SUMO2: variants seen among roughly 807,000 people sequenced by gnomAD.
The protein encoded by SUMO2 is small ubiquitin-related modifier 2.
SUMO2 carries 1 observed loss-of-function variant against 16.0 expected under a neutral mutation model. That is an observed-to-expected ratio of 0.06 (90% CI 0.02 to 0.30). The LOEUF (loss-of-function observed/expected upper bound fraction) is 0.30, where lower values mean the gene tolerates loss of function less well. Among genes scored for constraint, SUMO2 ranks in the 10% least tolerant of loss-of-function variants. The probability of loss-of-function intolerance (pLI) is 1.00; values close to 1 mark genes in which losing one functional copy is unlikely to be tolerated. For synonymous variants in SUMO2, 36 were observed against 40.6 expected (o/e 0.89, Z 0.43); for missense variants, 16 against 117.5 (o/e 0.14, Z 3.99).
At position 75,167,373 on chromosome 17, in the gene SUMO2, G is replaced by A. The variant is rs1303452999; in HGVS notation, c.*966C>T. 1 of 151,988 alleles carries A rather than the reference G, an allele frequency of 6.6e-6. No homozygotes were observed. Among genetic ancestry groups the A allele is most frequent in the African/African-American group, 2.4e-5 (1 of 41,384 alleles). 9.4% of individuals were successfully genotyped at this position (151,988 alleles called of 1,614,324 possible). On this transcript the variant is annotated 3_prime_UTR_variant, in exon 4 of 4. Coordinates refer to ENST00000420826, the MANE Select transcript of SUMO2 (RefSeq NM_006937.4). The stretch of plus-strand genomic sequence containing the variant: ...ACTTATGATAAGTGCAGGCTAGAAT[G>A]GTTCAGTGTTTTATCAGCAACAAAG...
chr17:75,182,495 C>T (rs961178374), intron 1 of SUMO2: 2 of 217,280 alleles, frequency 9.2e-6, no homozygotes, highest in East Asian at 9.8e-5. Context: ...CCTCCTCACG[C>T]GCGCCGGCCG....
At chr17:75,175,941 A>G (rs1341055130) in intron 2 of SUMO2, among the ~76,000 whole-genome samples, 2 of 152,114 alleles carry the variant, frequency 1.3e-5, no homozygotes, top group South Asian at 2.1e-4. Context: ...CCAGTAAGTC[A>G]TTCTTTTAGA....
At chr17:75,180,487 C>A (rs371357028) in intron 2 of SUMO2, among the ~76,000 whole-genome samples, 15 of 138,360 alleles carry the variant, frequency 1.1e-4, no homozygotes, top group Non-Finnish European at 9.1e-5. Context: ...CCGAGGCGGG[C>A]GGATCACCTG....
At chr17:75,174,873 T>C in intron 2 of SUMO2, 50 bp from the exon 3 acceptor site, 1 of 1,521,762 alleles carries the variant, frequency 6.6e-7, no homozygotes, top group Non-Finnish European at 9.0e-7. Context: ...AACAGAATTC[T>C]ATTTACATAA....
intron 1 of SUMO2, 171 bp downstream of exon 1, chr17:75,182,643 A>C: frequency 1.3e-5 from 5 of 396,526 alleles, no homozygotes; most frequent in Non-Finnish European, 1.6e-5. Context: ...CGCGGGAGGG[A>C]GGAAGAGAGG....
rs1381662404 is a variant in SUMO2, at chr17:75,167,315, A to G, written c.*1024T>C. 3.9e-5 allele frequency: 6 copies of G among 152,038 alleles called. No individual in the cohort carries two copies. Among genetic ancestry groups the G allele is most frequent in the Non-Finnish European group, 1.5e-5 (1 of 68,032 alleles). 9.4% of individuals were successfully genotyped at this position (152,038 alleles called of 1,614,324 possible). On this transcript the variant is annotated 3_prime_UTR_variant, in exon 4 of 4. Transcript: ENST00000420826. ...TCAAAAAAAAAATCCTTGAATAAGG[A>G]ACGAAAACTTTATTTTAGGTTAGGG...
intron 1 of SUMO2, among the ~76,000 whole-genome samples, chr17:75,181,585 A>C (rs943272637): frequency 2.0e-5 from 3 of 152,198 alleles, no homozygotes. Context: ...AACTGCAAGA[A>C]ACAAAACAAT....
intron 3 of SUMO2, among the ~76,000 whole-genome samples, chr17:75,173,745 C>T (rs56225637): frequency 0.035 from 5,378 of 152,194 alleles, 143 homozygotes; most frequent in Non-Finnish European, 0.054. Flanking sequence ...ACAGTGCTGG[C>T]ATTACAAGCA....
intron 2 of SUMO2, 142 bp downstream of exon 2, chr17:75,180,915 T>A: frequency 1.1e-6 from 1 of 879,582 alleles, no homozygotes; most frequent in Non-Finnish European, 1.8e-6. Flanking sequence ...ATATACCAAG[T>A]GCACGACAAA....
At chr17:75,180,408 A>AC (rs1245461770) in intron 2 of SUMO2, among the ~76,000 whole-genome samples, 6 of 144,792 alleles carry the variant, frequency 4.1e-5, no homozygotes, top group Admixed American at 7.0e-5. Flanking sequence ...AAAAAAAAAA[A>AC]AAAAAAAAAA....
At chr17:75,172,047 C>G (rs959293645) in intron 3 of SUMO2, among the ~76,000 whole-genome samples, 1 of 150,278 alleles carries the variant, frequency 6.7e-6, no homozygotes, top group Non-Finnish European at 1.5e-5. Context: ...CACTCTTTCA[C>G]CCAAGCTAGA....
chr17:75,172,195 G>A (rs574406227), intron 3 of SUMO2, among the ~76,000 whole-genome samples: 3 of 151,714 alleles, frequency 2.0e-5, no homozygotes, highest in Non-Finnish European at 4.4e-5. Flanking sequence ...GCTAATTTTT[G>A]TATTTTTAGT....
chr17:75,175,659 G>T (rs1254614643), intron 2 of SUMO2, among the ~76,000 whole-genome samples: 1 of 151,786 alleles, frequency 6.6e-6, no homozygotes, highest in Non-Finnish European at 1.5e-5. Context: ...TTAAGACAGA[G>T]TTTTGCTATG....
At chr17:75,177,758 C>A (rs1441619330) in intron 2 of SUMO2, among the ~76,000 whole-genome samples, 1 of 150,318 alleles carries the variant, frequency 6.7e-6, no homozygotes, top group South Asian at 2.1e-4. Context: ...GCCGAGGTGG[C>A]GAGACGGGTG....
intron 1 of SUMO2, among the ~76,000 whole-genome samples, chr17:75,181,865 T>C (rs1179302692): frequency 1.3e-5 from 2 of 151,118 alleles, no homozygotes; most frequent in Non-Finnish European, 3.0e-5. Context: ...AATACACAGT[T>C]TTATCCTGAT....
chr17:75,169,877 G>A (rs1254041039), intron 3 of SUMO2, among the ~76,000 whole-genome samples: 4 of 145,570 alleles, frequency 2.7e-5, no homozygotes, highest in Non-Finnish European at 4.5e-5. Context: ...GGGGGGGGGC[G>A]GGTGTGGCAG....
chr17:75,172,325 C>CTT (rs71361663), intron 3 of SUMO2, among the ~76,000 whole-genome samples: 11 of 109,410 alleles, frequency 1.0e-4, no homozygotes, highest in African/African-American at 2.6e-4. Context: ...TGTACCCAGA[C>CTT]TTTTTTTTTT....
At chr17:75,176,547 C>T (rs1185030802) in intron 2 of SUMO2, among the ~76,000 whole-genome samples, 2 of 151,832 alleles carry the variant, frequency 1.3e-5, no homozygotes, top group Admixed American at 6.6e-5. Flanking sequence ...ACCTGGGAGG[C>T]GGAGTTTGCA....
At position 75,166,972 on chromosome 17, in the gene SUMO2, T is replaced by C. The variant is rs1049882195; in HGVS notation, c.*1367A>G. The C allele has an allele frequency of 2.6e-5, 4 of 151,710 alleles. No homozygotes were observed. The highest frequency in any genetic ancestry group is 9.7e-5 in the African/African-American group (4 of 41,290). 9.4% of individuals were successfully genotyped at this position (151,710 alleles called of 1,614,324 possible). A position where few individuals can be genotyped will look rare whatever the true frequency, so the allele number is the denominator to read the frequency against. On this transcript the variant is annotated 3_prime_UTR_variant, in exon 4 of 4. Transcript: ENST00000420826. The stretch of plus-strand genomic sequence containing the variant: ...TAAAATAATAAAGACTGTAGTGACC[T>C]GTATATTTAAGGTTCTGAGGATGGA...
Sources: allele counts gnomAD v4.1 joint callset (sites outside exome capture counted in the v4.1 genomes callset), GRCh38; gene constraint gnomAD v4.1.1; transcripts MANE v1.5; gene names NCBI Gene and HGNC (gene_info 2026-07-23, HGNC 2026-07-21).